The following GMDS variants were observed in gnomAD, a reference collection of about 807,000 sequenced individuals.
GMDS encodes GDP-mannose 4,6 dehydratase.
GMDS carries 20 observed loss-of-function variants against 49.9 expected under a neutral mutation model. That is an observed-to-expected ratio of 0.40 (90% CI 0.28 to 0.58). The LOEUF is 0.58. Ranked by LOEUF, GMDS falls within the 20% of genes least tolerant of loss-of-function variation. The pLI is 0.42. For missense variants in GMDS, 362 were observed against 481.4 expected (o/e 0.75, Z 2.32); for synonymous variants, 177 against 178.6 (o/e 0.99, Z 0.07).
chr6:2,131,085 A>T (rs1447988003), intron 1 of GMDS, among the ~76,000 whole-genome samples: 1 of 152,192 alleles, frequency 6.6e-6, no homozygotes, highest in East Asian at 1.9e-4. Flanking sequence ...ATTTTGAAGC[A>T]GGCTAGCAAA....
chr6:2,001,302 G>C (rs1331640982), intron 4 of GMDS, among the ~76,000 whole-genome samples: 1 of 152,106 alleles, frequency 6.6e-6, no homozygotes, highest in African/African-American at 2.4e-5. Context: ...TTGGAGAAAT[G>C]TTTACTCAGT....
intron 6 of GMDS, among the ~76,000 whole-genome samples, chr6:1,954,085 G>A (rs1313440877): frequency 1.3e-5 from 2 of 152,080 alleles, no homozygotes; most frequent in African/African-American, 2.4e-5. Context: ...CACATTTGTG[G>A]CAAAAAGAAT....
At chr6:1,795,448 T>C (rs1769702551) in intron 7 of GMDS, among the ~76,000 whole-genome samples, 1 of 152,212 alleles carries the variant, frequency 6.6e-6, no homozygotes, top group African/African-American at 2.4e-5. Context: ...TCTGTATATA[T>C]ACATACAGAT....
intron 7 of GMDS, among the ~76,000 whole-genome samples, chr6:1,901,326 A>T (rs1309825556): frequency 1.3e-5 from 2 of 152,198 alleles, no homozygotes; most frequent in Non-Finnish European, 2.9e-5. Context: ...GAATTTTAAC[A>T]ACGTGTTACT....
At chr6:1,705,652 C>T (rs1027361098) in intron 9 of GMDS, among the ~76,000 whole-genome samples, 5 of 152,096 alleles carry the variant, frequency 3.3e-5, no homozygotes, top group African/African-American at 1.2e-4. Context: ...TTTGGAATCA[C>T]GGATAATGGA....
intron 7 of GMDS, among the ~76,000 whole-genome samples, chr6:1,756,641 T>A (rs1767958194): frequency 6.6e-6 from 1 of 152,146 alleles, no homozygotes; most frequent in African/African-American, 2.4e-5. Context: ...ACAGTTCCTC[T>A]CTGCTCCCGG....
At chr6:1,792,387 A>G (rs1163100293) in intron 7 of GMDS, among the ~76,000 whole-genome samples, 1 of 152,144 alleles carries the variant, frequency 6.6e-6, no homozygotes, top group Non-Finnish European at 1.5e-5. Context: ...CTTCTCCTGG[A>G]AACATCTCTC....
rs946464477 is a variant in GMDS, at chr6:2,055,068, T to C, written c.345+60703A>G. On this transcript the variant is annotated intron_variant, in intron 4 of 10. Transcript: ENST00000380815. Reference sequence around the variant, plus strand: ...CATCATACGGATATAAAATCGACATTGTTAAGCAGCAAATGGGTTTAGCAG... The same window carrying C: ...CATCATACGGATATAAAATCGACATCGTTAAGCAGCAAATGGGTTTAGCAG... 7.9e-5 allele frequency among the ~76,000 whole-genome samples: 12 copies of C among 152,018 alleles called. 1 individual carries two copies. Among genetic ancestry groups the C allele is most frequent in the African/African-American group, 2.9e-4 (12 of 41,416 alleles).
In GMDS at chr6:2,197,049, C is replaced by T. The variant is rs138341011; in HGVS notation, c.102+48272G>A. 3.2e-3 allele frequency among the ~76,000 whole-genome samples: 487 copies of T among 152,204 alleles called. 2 individuals are homozygous for T. The highest frequency in any genetic ancestry group is 0.011 in the African/African-American group (447 of 41,502). ...TCTGTGTCCAGCAGCAGTCCCACAC[C>T]CTTCCTAGGAGAAGCAACTTCCTCA... On this transcript the variant is annotated intron_variant, in intron 1 of 10. Transcript: ENST00000380815.
At position 1,969,289 on chromosome 6, in the gene GMDS, A is replaced by AAAAAAAAAAAAAG. The variant is rs56095985; in HGVS notation, c.346-8324_346-8323insCTTTTTTTTTTTT. Among the ~76,000 whole-genome samples the AAAAAAAAAAAAAG allele has an allele frequency of 4.6e-4, 39 of 84,346 alleles. 4 individuals are homozygous for AAAAAAAAAAAAAG. Among genetic ancestry groups the AAAAAAAAAAAAAG allele is most frequent in the African/African-American group, 6.1e-4 (14 of 23,054 alleles). The allele number at this position is 84,346 out of a possible 152,430, so 55.3% of individuals were successfully genotyped here. ...AAAAAAAAAAAAAAAAAAAAAAAAA[A>AAAAAAAAAAAAAG]AGAGAAAGAAAGAAAAAAAGAAATT... is the stretch of plus-strand genomic sequence containing the variant. On this transcript the variant is annotated intron_variant, in intron 4 of 10. Transcript: ENST00000380815.
chr6:2,122,698 T>C (rs926717144), intron 2 of GMDS, among the ~76,000 whole-genome samples: 1 of 152,238 alleles, frequency 6.6e-6, no homozygotes, highest in African/African-American at 2.4e-5. Flanking sequence ...CTATTAAAGT[T>C]GAATACAGTA....
chr6:2,006,874 A>T (rs566014227), intron 4 of GMDS, among the ~76,000 whole-genome samples: 57 of 152,366 alleles, frequency 3.7e-4, no homozygotes, highest in Non-Finnish European at 5.6e-4. Context: ...TATTTGCAGG[A>T]CACACGGCAA....
At chr6:1,746,560 T>C (rs1365751059) in intron 7 of GMDS, among the ~76,000 whole-genome samples, 1 of 152,220 alleles carries the variant, frequency 6.6e-6, no homozygotes, top group Non-Finnish European at 1.5e-5. Context: ...TCCAGACCAT[T>C]GACTTTTGAT....
intron 8 of GMDS, among the ~76,000 whole-genome samples, chr6:1,727,065 C>G (rs1379072978): frequency 6.6e-6 from 1 of 152,054 alleles, no homozygotes; most frequent in Non-Finnish European, 1.5e-5. Context: ...TGGTGGGCCC[C>G]CTTAGTAAGT....
chr6:1,894,002 AGGCAC>A (rs1193721725), intron 7 of GMDS, among the ~76,000 whole-genome samples: 2 of 152,230 alleles, frequency 1.3e-5, no homozygotes, highest in East Asian at 3.8e-4. Flanking sequence ...GAAGGATGGA[AGGCAC>A]AGTTGGGAAA....
intron 1 of GMDS, among the ~76,000 whole-genome samples, chr6:2,198,864 G>A (rs1345705484): frequency 3.3e-5 from 5 of 152,186 alleles, no homozygotes; most frequent in African/African-American, 1.2e-4. Flanking sequence ...CTCTAGCCTA[G>A]CTCTAAGACC....
rs182864654 is a variant in GMDS at position 1,629,289 on chromosome 6, G to A, written c.988-4749C>T. 4.6e-5 allele frequency among the ~76,000 whole-genome samples: 7 copies of A among 152,338 alleles called. No individual in the cohort carries two copies. In the East Asian group the frequency reaches 9.6e-4, roughly 21 times the overall value. On this transcript the variant is annotated intron_variant, in intron 9 of 10. Coordinates refer to ENST00000380815, the MANE Select transcript of GMDS (RefSeq NM_001500.4). ...AAGAAATGCTGTGGTGTTAACAGCG[G>A]TAATGAACATTTCCCCTCTGTTCCC...
chr6:2,237,799 G>A (rs955455400), intron 1 of GMDS, among the ~76,000 whole-genome samples: 3 of 152,072 alleles, frequency 2.0e-5, no homozygotes, highest in Non-Finnish European at 4.4e-5. Context: ...TGGGATTACA[G>A]GCATGAGCCA....
intron 4 of GMDS, among the ~76,000 whole-genome samples, chr6:1,979,933 A>G (rs1459865101): frequency 6.6e-6 from 1 of 152,234 alleles, no homozygotes; most frequent in Non-Finnish European, 1.5e-5. Flanking sequence ...AGAATTTCAT[A>G]TCTGTCCAAA....
Sources: gnomAD v4.1 joint callset for allele counts (sites outside exome capture counted in the v4.1 genomes callset) on GRCh38, gnomAD v4.1.1 for gene constraint, MANE v1.5 for transcripts, NCBI Gene and HGNC (gene_info 2026-07-23, HGNC 2026-07-21) for gene names.